The following PREX2 variants were observed in gnomAD, a reference collection of about 807,000 sequenced individuals.
PREX2 encodes phosphatidylinositol 3,4,5-trisphosphate-dependent Rac exchanger 2 protein.
In PREX2, 107 loss-of-function variants were observed where a neutral mutation model predicts 203.2. That is an observed-to-expected ratio of 0.53 (90% CI 0.45 to 0.62). PREX2 has a LOEUF of 0.62. PREX2 is among the 20% of genes least tolerant of loss of function. The pLI, the probability that PREX2 is intolerant of heterozygous loss-of-function variation, is 0.00. For missense variants in PREX2, 1,777 were observed against 1,955.9 expected (o/e 0.91, Z 1.72); for synonymous variants, 672 against 663.6 (o/e 1.01, Z -0.19).
intron 25 of PREX2, among the ~76,000 whole-genome samples, chr8:68,115,212 G>C (rs899092645): frequency 2.0e-5 from 3 of 151,876 alleles, no homozygotes; most frequent in Non-Finnish European, 1.5e-5. Flanking sequence ...TTTTTTAGTA[G>C]AGACGGGGTT....
Position 68,109,451 on chromosome 8 carries a change from A to G in PREX2, c.2974A>G (p.Ile992Val), listed in dbSNP as rs760875810. 3 of 1,613,912 alleles carry G rather than the reference A, an allele frequency of 1.9e-6. No homozygotes were observed. Among genetic ancestry groups the G allele is most frequent in the South Asian group, 1.1e-5 (1 of 91,080 alleles). Residue 992 changes from isoleucine (I) to valine (V), a missense_variant, in exon 25 of 40, where the codon ATC (isoleucine) becomes GTC (valine). Physicochemically the swap from Ile to Val is conservative, Grantham distance 29. Transcript: ENST00000288368. ...CCCTATGGTGTACATTCAGCACACC[A>G]TCACAACCATGGCGGCCCCTTCAGG... is the stretch of plus-strand genomic sequence containing the variant. ...LSPMVYIQHT[I>V]TTMAAPSGLS...
At chr8:67,995,849 G>C (rs1251037524) in intron 1 of PREX2, among the ~76,000 whole-genome samples, 1 of 152,100 alleles carries the variant, frequency 6.6e-6, no homozygotes, top group Non-Finnish European at 1.5e-5. Context: ...AAATTCCAAG[G>C]TTTGGGATAG....
chr8:68,207,343 C>T (rs891139005), intron 37 of PREX2, among the ~76,000 whole-genome samples: 3 of 152,002 alleles, frequency 2.0e-5, no homozygotes, highest in African/African-American at 7.3e-5. Flanking sequence ...TGATCACTTC[C>T]CAGAATATAT....
intron 35 of PREX2, among the ~76,000 whole-genome samples, chr8:68,159,804 T>G (rs1170550609): frequency 6.6e-6 from 1 of 152,194 alleles, no homozygotes; most frequent in African/African-American, 2.4e-5. Context: ...AGATTTTTGT[T>G]GAATTTATAT....
At chr8:67,968,205 G>A (rs1805829671) in intron 1 of PREX2, among the ~76,000 whole-genome samples, 1 of 152,098 alleles carries the variant, frequency 6.6e-6, no homozygotes. Context: ...GGCCTGTAAA[G>A]TGCTATTGGA....
At chr8:68,143,722 C>T (rs1244232681) in intron 33 of PREX2, among the ~76,000 whole-genome samples, 1 of 152,062 alleles carries the variant, frequency 6.6e-6, no homozygotes, top group African/African-American at 2.4e-5. Context: ...TTATTTCTTT[C>T]ATGGATTGTG....
At chr8:68,048,061 G>T (rs79601791) in intron 8 of PREX2, among the ~76,000 whole-genome samples, 2 of 151,980 alleles carry the variant, frequency 1.3e-5, no homozygotes, top group African/African-American at 4.8e-5. Flanking sequence ...GTCTGTCCAT[G>T]TTATTAATTA....
chr8:68,203,712 G>A (rs1304605515), intron 37 of PREX2, among the ~76,000 whole-genome samples: 2 of 152,122 alleles, frequency 1.3e-5, no homozygotes, highest in African/African-American at 2.4e-5. Context: ...ATTCCCTGGT[G>A]CCTCACATCC....
chr8:68,194,217 G>A (rs539315429), intron 37 of PREX2, among the ~76,000 whole-genome samples: 2 of 152,224 alleles, frequency 1.3e-5, no homozygotes, highest in Admixed American at 6.5e-5. Context: ...TGCCAGCACT[G>A]TTCTAGTTGC....
intron 30 of PREX2, among the ~76,000 whole-genome samples, chr8:68,127,174 T>C (rs542002039): frequency 3.3e-5 from 5 of 152,188 alleles, no homozygotes; most frequent in African/African-American, 1.2e-4. Context: ...GCATGTCAAG[T>C]GAATTGATTT....
intron 14 of PREX2, among the ~76,000 whole-genome samples, chr8:68,074,004 T>C (rs1228137202): frequency 2.6e-5 from 4 of 152,004 alleles, no homozygotes; most frequent in Admixed American, 2.6e-4. Context: ...TCTCACTTGG[T>C]TGCCTGGGCT....
At chr8:68,120,331 A>T (rs1033785917) in intron 29 of PREX2, 45 bp downstream of exon 29, 4 of 1,330,978 alleles carry the variant, frequency 3.0e-6, no homozygotes, top group Non-Finnish European at 4.3e-6. Context: ...GAGAAAAACA[A>T]GGTGGTAGAC....
At chr8:67,964,280 C>A (rs535906304) in intron 1 of PREX2, among the ~76,000 whole-genome samples, 1 of 152,182 alleles carries the variant, frequency 6.6e-6, no homozygotes, top group Non-Finnish European at 1.5e-5. Context: ...CATGGCTAAT[C>A]CAGCTCTAAG....
chr8:68,105,307 T>C, intron 23 of PREX2: 13 of 1,367,724 alleles, frequency 9.5e-6, no homozygotes, highest in Non-Finnish European at 1.3e-5. Context: ...CAGCACTGCA[T>C]TCCTGAGGAC....
chr8:68,016,269 G>A (rs972977792), intron 1 of PREX2, among the ~76,000 whole-genome samples: 16 of 151,842 alleles, frequency 1.1e-4, no homozygotes, highest in African/African-American at 3.9e-4. Context: ...TTATCCATTT[G>A]TATATCTGTA....
rs1811065951 is a variant in PREX2 at position 68,134,234 on chromosome 8, A to G, written c.3942A>G (p.Ala1314=). The G allele has an allele frequency of 6.2e-7, 1 of 1,614,110 alleles. No individual in the cohort carries two copies. Among genetic ancestry groups the G allele is most frequent in the Non-Finnish European group, 8.5e-7 (1 of 1,179,986 alleles). The change falls in exon 32 of 40, where the codon GCA becomes GCG. Residue 1314 remains alanine, a synonymous_variant. Transcript: ENST00000288368. ...GGTGGCTGGACCAGATAGCGAATGCAGGTGTTCTTTTTCACTTTCAGTCAC... is the reference window on the plus strand; with the variant it reads ...GGTGGCTGGACCAGATAGCGAATGCGGGTGTTCTTTTTCACTTTCAGTCAC... ...SRRWLDQIAN[A]GVLFHFQSLL... is the part of the protein sequence containing the mutation.
intron 1 of PREX2, among the ~76,000 whole-genome samples, chr8:67,986,567 C>A (rs1329155788): frequency 2.0e-5 from 3 of 152,212 alleles, no homozygotes; most frequent in Admixed American, 6.5e-5. Flanking sequence ...GTAATACTTT[C>A]ATGGAGATTT....
intron 23 of PREX2, among the ~76,000 whole-genome samples, chr8:68,106,694 T>G (rs999815600): frequency 2.0e-5 from 3 of 152,320 alleles, no homozygotes; most frequent in African/African-American, 7.2e-5. Flanking sequence ...TTGATATTTA[T>G]TCTTGAATTT....
chr8:68,154,914 GT>G, intron 34 of PREX2, among the ~76,000 whole-genome samples: 1 of 152,164 alleles, frequency 6.6e-6, no homozygotes, highest in Non-Finnish European at 1.5e-5. Flanking sequence ...GCAGTAAAAT[GT>G]TTATTAGGGA....
Sources: gnomAD v4.1 joint callset for allele counts (sites outside exome capture counted in the v4.1 genomes callset) on GRCh38, gnomAD v4.1.1 for gene constraint, MANE v1.5 for transcripts, NCBI Gene and HGNC (gene_info 2026-07-23, HGNC 2026-07-21) for gene names.